MEGF6: variants seen among roughly 807,000 people sequenced by gnomAD.
MEGF6 encodes the protein multiple EGF like domains 6, also known as multiple epidermal growth factor-like domains protein 6.
Under a neutral mutation model 207.1 loss-of-function variants are expected in MEGF6, and 184 were observed. The observed-to-expected ratio is 0.89, with a 90% confidence interval of 0.79 to 1.00. The LOEUF (loss-of-function observed/expected upper bound fraction) is 1.00. Among genes scored for constraint, MEGF6 ranks in the 50% least tolerant of loss-of-function variants. The pLI is 0.00. For missense variants in MEGF6, 2,282 were observed against 2,202.9 expected (o/e 1.04, Z -0.72); for synonymous variants, 1,038 against 910.0 (o/e 1.14, Z -2.53).
intron 32 of MEGF6, 46 bp downstream of exon 32, chr1:3,494,325 G>A (rs1007629067): frequency 1.3e-6 from 2 of 1,519,086 alleles, no homozygotes; most frequent in African/African-American, 1.4e-5. Context: ...GGAGTGGACA[G>A]TGGCTCAAAG....
intron 4 of MEGF6, among the ~76,000 whole-genome samples, chr1:3,558,547 C>T (rs184457851): frequency 5.4e-4 from 82 of 152,284 alleles, no homozygotes; most frequent in Admixed American, 3.4e-3. Context: ...TTCTTGCTCG[C>T]AAGACGTGCG....
intron 35 of MEGF6, among the ~76,000 whole-genome samples, 165 bp downstream of exon 35, chr1:3,492,474 A>G (rs1640412639): frequency 6.6e-6 from 1 of 152,038 alleles, no homozygotes; most frequent in Non-Finnish European, 1.5e-5. Flanking sequence ...GCCAAGTGAC[A>G]CTCTGGGTAC....
chr1:3,593,511 C>G (rs1034355898), intron 3 of MEGF6, among the ~76,000 whole-genome samples: 3 of 150,382 alleles, frequency 2.0e-5, no homozygotes, highest in Non-Finnish European at 4.4e-5. Context: ...CTTCAAGTCC[C>G]CTCCTGGGAA....
rs1019516015 is a variant in MEGF6 at position 3,531,371 on chromosome 1, C to T, written c.482-7125G>A. 3 of 1,181,444 alleles carry T rather than the reference C, an allele frequency of 2.5e-6. No homozygotes were observed. In the African/African-American group the frequency reaches 4.8e-5, roughly 19 times the overall value. The allele number at this position is 1,181,444 out of a possible 1,614,324, so 73.2% of individuals were successfully genotyped here. A position where few individuals can be genotyped will look rare whatever the true frequency, so the allele number is the denominator to read the frequency against. On this transcript the variant is annotated intron_variant, in intron 4 of 36. Coordinates refer to ENST00000356575, the MANE Select transcript of MEGF6 (RefSeq NM_001409.4). The stretch of plus-strand genomic sequence containing the variant: ...TTCCGGGCGGGCGCGCAATCCCAGC[C>T]CCGGGATCCGCTCCGCTCGGCGCCG...
rs922061510 is a variant in MEGF6 at position 3,488,144 on chromosome 1, A to G, written c.*2384T>C. ...CCTTCTTGCTGCTTGAAACTATATA[A>G]TATATGGTCAGGAGTTTGTTTTTCC... On this transcript the variant is annotated 3_prime_UTR_variant, in exon 37 of 37. Coordinates refer to ENST00000356575, the MANE Select transcript of MEGF6 (RefSeq NM_001409.4). Among the ~76,000 whole-genome samples the G allele has an allele frequency of 1.3e-5, 2 of 152,138 alleles. No homozygotes were observed. The highest frequency in any genetic ancestry group is 4.8e-5 in the African/African-American group (2 of 41,396).
intron 14 of MEGF6, among the ~76,000 whole-genome samples, chr1:3,506,696 TG>T (rs1641132377): frequency 6.6e-6 from 1 of 152,170 alleles, no homozygotes; most frequent in Admixed American, 6.5e-5. Flanking sequence ...TCTCTCTGGC[TG>T]GGTCCTGCCC....
In MEGF6 at chr1:3,548,472, C is replaced by T. The variant is rs1642786546; in HGVS notation, c.482-24226G>A. On this transcript the variant is annotated intron_variant, in intron 4 of 36. Transcript: ENST00000356575. ...CATGGTGGGAATTTTTTGGGAATTC[C>T]TAGAGAGTTACACAGGGCGAGACGG... is the stretch of plus-strand genomic sequence containing the variant. Among the ~76,000 whole-genome samples the T allele has an allele frequency of 2.6e-5, 4 of 152,354 alleles. No individual in the cohort carries two copies. The South Asian group carries it at 8.3e-4, about 32-fold the overall frequency.
chr1:3,540,191 G>A (rs558575150), intron 4 of MEGF6, among the ~76,000 whole-genome samples: 11 of 152,202 alleles, frequency 7.2e-5, no homozygotes, highest in South Asian at 2.1e-4. Context: ...TTATTTTCCC[G>A]GCTTGGCCTT....
upstream of MEGF6, among the ~76,000 whole-genome samples, chr1:3,614,130 G>A (rs1644358942): frequency 2.0e-5 from 3 of 152,154 alleles, no homozygotes; most frequent in Admixed American, 6.5e-5. Context: ...CCCCCACTGC[G>A]CTCGCTCGTC....
chr1:3,544,060 CT>C (rs1642620243), intron 4 of MEGF6, among the ~76,000 whole-genome samples: 1 of 152,210 alleles, frequency 6.6e-6, no homozygotes, highest in Non-Finnish European at 1.5e-5. Context: ...GCACCACTCG[CT>C]GACACAGGAG....
intron 4 of MEGF6, among the ~76,000 whole-genome samples, chr1:3,564,094 C>T (rs1034499055): frequency 1.3e-5 from 2 of 151,714 alleles, no homozygotes; most frequent in African/African-American, 4.8e-5. Flanking sequence ...GGGCTACCTC[C>T]TGACAACAGC....
chr1:3,489,487 CAGG>C lies in MEGF6; in HGVS notation c.*1038_*1040del, dbSNP rs1207523673. Among the ~76,000 whole-genome samples, 4 of 152,226 alleles carry C rather than the reference CAGG, an allele frequency of 2.6e-5. No homozygotes were observed. The highest frequency in any genetic ancestry group is 9.6e-5 in the African/African-American group (4 of 41,460). ...TTCCTTCCACTCTGGGCCCTTCTTC[CAGG>C]AGAAGTCAGCCTCAGCCCATGAGTG... On this transcript the variant is annotated 3_prime_UTR_variant, in exon 37 of 37. Coordinates refer to ENST00000356575, the MANE Select transcript of MEGF6 (RefSeq NM_001409.4).
intron 17 of MEGF6, 133 bp from the exon 18 acceptor site, chr1:3,502,054 G>GAGTGTGCCCCACA: frequency 3.9e-6 from 1 of 255,356 alleles, no homozygotes; most frequent in Non-Finnish European, 4.9e-6. Flanking sequence ...CCCCCCCGGC[G>GAGTGTGCCCCACA]CCTCCTCACA....
chr1:3,501,824 C>T lies in MEGF6; in HGVS notation c.2286G>A (p.Pro762=), dbSNP rs764351742. The change falls in exon 18 of 37, where the codon CCG becomes CCA. Residue 762 remains proline (P), a synonymous_variant. Coordinates refer to ENST00000356575, the MANE Select transcript of MEGF6 (RefSeq NM_001409.4). Reference sequence around the variant, plus strand: ...CCTCACAGTCTTCCCCAGTCCTCCCCGGCGGACACCGGCACTGCCCCGTGA... The same window carrying T: ...CCTCACAGTCTTCCCCAGTCCTCCCTGGCGGACACCGGCACTGCCCCGTGA... ...HGVTGQCRCP[P]GRTGEDCEAD... 2.8e-5 allele frequency: 45 copies of T among 1,608,802 alleles called. No homozygotes were observed. Among genetic ancestry groups the T allele is most frequent in the African/African-American group, 9.4e-5 (7 of 74,762 alleles).
At position 3,512,043 on chromosome 1, in the gene MEGF6, C is replaced by A; in HGVS notation, c.939G>T (p.Ala313=). 1 of 1,612,776 alleles carries A rather than the reference C, an allele frequency of 6.2e-7. No homozygotes were observed. The change falls in exon 8 of 37, where the codon GCG becomes GCT. Residue 313 remains alanine (A), a synonymous_variant. Transcript: ENST00000356575. ...TQGSFKCVCH[A]GYELGADGRQ... is the part of the protein sequence containing the mutation. ...GGCCATCGGCGCCCAGCTCATAGCC[C>A]GCGTGACACACGCACTTGAAGGACC...
chr1:3,579,748 A>T, intron 4 of MEGF6, 77 bp downstream of exon 4: 3 of 1,061,706 alleles, frequency 2.8e-6, no homozygotes, highest in Non-Finnish European at 3.9e-6. Context: ...GGGGACGGCC[A>T]GTGGCCGACA....
intron 7 of MEGF6, 36 bp downstream of exon 7, chr1:3,514,513 AC>A: frequency 1.9e-6 from 3 of 1,561,458 alleles, no homozygotes; most frequent in East Asian, 2.3e-5. Flanking sequence ...GCGCTTTCTG[AC>A]CCTGGGCGGG....
At chr1:3,520,303 G>C (rs1641696198) in intron 5 of MEGF6, among the ~76,000 whole-genome samples, 1 of 152,236 alleles carries the variant, frequency 6.6e-6, no homozygotes, top group African/African-American at 2.4e-5. Context: ...GTACACAGAG[G>C]CGGAGGCCTC....
intron 4 of MEGF6, among the ~76,000 whole-genome samples, chr1:3,551,089 C>T (rs115743020): frequency 0.015 from 2,311 of 152,274 alleles, 43 homozygotes; most frequent in South Asian, 0.057. Flanking sequence ...GGCAGCTCCC[C>T]GCTAGCGATG....
Sources: gnomAD v4.1 joint callset for allele counts (sites outside exome capture counted in the v4.1 genomes callset) on GRCh38, gnomAD v4.1.1 for gene constraint, MANE v1.5 for transcripts, NCBI Gene and HGNC (gene_info 2026-07-23, HGNC 2026-07-21) for gene names.